Variants in CYP4F2 observed in about 807,000 individuals in gnomAD.
The protein encoded by CYP4F2 is cytochrome P450 4F2.
Under a neutral mutation model 58.9 loss-of-function variants are expected in CYP4F2, and 58 were observed. The observed-to-expected ratio is 0.98, with a 90% confidence interval of 0.80 to 1.23. CYP4F2 has a LOEUF of 1.23. Ranked by LOEUF, CYP4F2 falls within the 50% of genes most tolerant of loss-of-function variation. The pLI is 0.00. For missense variants in CYP4F2, 616 were observed against 685.6 expected (o/e 0.90, Z 1.13); for synonymous variants, 287 against 261.1 (o/e 1.10, Z -0.95).
Position 15,890,427 on chromosome 19 carries a change from A to T in CYP4F2, c.532T>A (p.Trp178Arg). ...CTACCCTCTGAGGCCAGGAGCTGCC[A>T]CTTGGCCTAGCCAGAGAAGGGGACA... ...NESVNIMHAKWQLLASEGSAC... is the reference protein window; with the variant it reads ...NESVNIMHAKRQLLASEGSAC... The change falls in exon 6 of 13, where the codon TGG (tryptophan) becomes AGG (arginine). Residue 178 changes from tryptophan (W) to arginine (R), a missense_variant. Physicochemically the swap from Trp to Arg is moderately radical, Grantham distance 101. Transcript: ENST00000221700. 6 of 1,614,034 alleles carry T rather than the reference A, an allele frequency of 3.7e-6. No individual in the cohort carries two copies. Among genetic ancestry groups the T allele is most frequent in the Non-Finnish European group, 4.2e-6 (5 of 1,179,946 alleles).
At chr19:15,891,059 G>T (rs779849857) in intron 5 of CYP4F2, among the ~76,000 whole-genome samples, 1 of 152,108 alleles carries the variant, frequency 6.6e-6, no homozygotes, top group Non-Finnish European at 1.5e-5. Context: ...GTAGTCCTTC[G>T]TTGAGTCCTG....
intron 5 of CYP4F2, among the ~76,000 whole-genome samples, chr19:15,891,405 T>A (rs1019800991): frequency 3.3e-5 from 5 of 152,114 alleles, no homozygotes; most frequent in Non-Finnish European, 5.9e-5. Context: ...CCCAGGAGTC[T>A]CTCGTCCTTC....
At chr19:15,889,802 AG>A in intron 6 of CYP4F2, 109 bp from the exon 7 acceptor site, 1 of 1,477,842 alleles carries the variant, frequency 6.8e-7, no homozygotes, top group Non-Finnish European at 9.2e-7. Flanking sequence ...CAGAGTATCC[AG>A]GAACAGATGA....
At chr19:15,897,866 C>T (rs1460393845) in intron 1 of CYP4F2, 160 bp downstream of exon 1, 2 of 438,472 alleles carry the variant, frequency 4.6e-6, no homozygotes, top group Non-Finnish European at 8.1e-6. Context: ...CCAGAAAGGC[C>T]CAGCCTGAAT....
chr19:15,893,771 G>C (rs193213058), intron 3 of CYP4F2: 1 of 240,974 alleles, frequency 4.1e-6, no homozygotes, highest in Admixed American at 4.1e-5. Context: ...TGCACGTGGG[G>C]AGAAAGATGT....
intron 2 of CYP4F2, among the ~76,000 whole-genome samples, chr19:15,896,241 T>TCTATCTATCTAC (rs2089447693): frequency 9.8e-6 from 1 of 102,036 alleles, no homozygotes; most frequent in African/African-American, 3.4e-5. Context: ...TAGCTATCTA[T>TCTATCTATCTAC]CTATCTATCT....
At chr19:15,892,679 C>T (rs1568473423) in intron 3 of CYP4F2, 97 bp from the exon 4 acceptor site, 1 of 1,530,858 alleles carries the variant, frequency 6.5e-7, no homozygotes, top group Non-Finnish European at 8.8e-7. Context: ...GCACTTCTCC[C>T]ACTCTGAGCC....
At chr19:15,879,502 G>T in intron 11 of CYP4F2, 74 bp from the exon 12 acceptor site, 1 of 1,608,186 alleles carries the variant, frequency 6.2e-7, no homozygotes, top group African/African-American at 1.3e-5. Context: ...AGACAGTTGT[G>T]TGTGTCTTTG....
chr19:15,891,000 G>A lies in CYP4F2; in HGVS notation c.526-567C>T, dbSNP rs3093146. On this transcript the variant is annotated intron_variant, in intron 5 of 12. Coordinates refer to ENST00000221700, the MANE Select transcript of CYP4F2 (RefSeq NM_001082.5). ...TGATCAATAAATGTTGGATTTCCCCGTCTGCATTGTTATAAATTGATTTCA... is the reference window on the plus strand; with the variant it reads ...TGATCAATAAATGTTGGATTTCCCCATCTGCATTGTTATAAATTGATTTCA... 9.4e-3 allele frequency among the ~76,000 whole-genome samples: 1,426 copies of A among 152,250 alleles called. 24 individuals are homozygous for A. The highest frequency in any genetic ancestry group is 0.031 in the African/African-American group (1,300 of 41,538).
chr19:15,890,309 T>C lies in CYP4F2; in HGVS notation c.647+3A>G, dbSNP rs778301935. 6.2e-7 allele frequency: 1 copy of C among 1,613,958 alleles called. No homozygotes were observed. Among genetic ancestry groups the C allele is most frequent in the Admixed American group, 1.7e-5 (1 of 60,022 alleles). ...AGATCCCAGATCCTGGGCAAGAACTTACTCCTGACAATGGCTGTCAAAGCT... is the reference window on the plus strand; with the variant it reads ...AGATCCCAGATCCTGGGCAAGAACTCACTCCTGACAATGGCTGTCAAAGCT... On this transcript the variant is annotated splice_donor_region_variant and intron_variant, in intron 6 of 12. Coordinates refer to ENST00000221700, the MANE Select transcript of CYP4F2 (RefSeq NM_001082.5).
At chr19:15,893,826 C>A in intron 3 of CYP4F2, 1 of 255,300 alleles carries the variant, frequency 3.9e-6, no homozygotes, top group Non-Finnish European at 8.4e-6. Flanking sequence ...GCCCATATCC[C>A]CAAAGGTGCA....
At position 15,889,677 on chromosome 19, in the gene CYP4F2, T is replaced by A. The variant is rs149081072; in HGVS notation, c.664A>T (p.Ile222Phe). ...GCACTGAGCTCCAAGATGGCGGCAATATATTCACTGGGTTTCCTGCAGGAT... is the reference window on the plus strand; with the variant it reads ...GCACTGAGCTCCAAGATGGCGGCAAAATATTCACTGGGTTTCCTGCAGGAT... The part of the protein sequence containing the change: ...SHCQEKPSEY[I>F]AAILELSALV... Residue 222 changes from isoleucine (I) to phenylalanine (F), a missense_variant, in exon 7 of 13, where the codon ATT (isoleucine) becomes TTT (phenylalanine). Coordinates refer to ENST00000221700, the MANE Select transcript of CYP4F2 (RefSeq NM_001082.5). 1.7e-5 allele frequency: 28 copies of A among 1,613,754 alleles called. No individual in the cohort carries two copies. The African/African-American group carries it at 3.6e-4, about 21-fold the overall frequency.
At chr19:15,887,306 T>G (rs1301668229) in intron 7 of CYP4F2, among the ~76,000 whole-genome samples, 2 of 139,644 alleles carry the variant, frequency 1.4e-5, no homozygotes, top group Non-Finnish European at 3.2e-5. Context: ...AGTCACAGAC[T>G]TAGAAACACA....
rs757642625 is a variant in CYP4F2, at chr19:15,886,041, G to A, written c.998C>T (p.Thr333Met). The A allele has an allele frequency of 8.7e-5, 140 of 1,613,692 alleles. No individual in the cohort carries two copies. Among genetic ancestry groups the A allele is most frequent in the Non-Finnish European group, 1.1e-4 (131 of 1,179,858 alleles). The change falls in exon 9 of 13, where the codon ACG (threonine) becomes ATG (methionine). Residue 333 changes from threonine to methionine, a missense_variant. Physicochemically the swap from Thr to Met is moderately conservative, Grantham distance 81 (BLOSUM62 -1). Transcript: ENST00000221700. ...CAGGACCCAGGAGAGACCACTGGCC[G>A]TGGTGTCATGGCCTGGGGGGCAGCA... is the stretch of plus-strand genomic sequence containing the variant. ...DTFMFEGHDTTASGLSWVLYH... is the reference protein window; with the variant it reads ...DTFMFEGHDTMASGLSWVLYH...
chr19:15,886,311 G>A lies in CYP4F2; in HGVS notation c.919-3C>T. ...GATAACTTCTTCCCGTCTTCATCCTGGAGAGAAGGCAGTAACCCCCCCCAA... is the reference window on the plus strand; with the variant it reads ...GATAACTTCTTCCCGTCTTCATCCTAGAGAGAAGGCAGTAACCCCCCCCAA... On this transcript the variant is annotated splice_polypyrimidine_tract_variant and splice_region_variant and intron_variant, in intron 7 of 12. Transcript: ENST00000221700. 3.7e-6 allele frequency: 6 copies of A among 1,612,550 alleles called. No individual in the cohort carries two copies. Among genetic ancestry groups the A allele is most frequent in the Non-Finnish European group, 5.1e-6 (6 of 1,179,818 alleles).
chr19:15,878,963 C>T (rs766467550), intron 12 of CYP4F2, 27 bp from the exon 13 acceptor site: 1 of 1,608,910 alleles, frequency 6.2e-7, no homozygotes, highest in South Asian at 1.1e-5. Context: ...GGAACTCTGA[C>T]TGCACCCAGG....
intron 11 of CYP4F2, 74 bp from the exon 12 acceptor site, chr19:15,879,502 G>C: frequency 6.2e-7 from 1 of 1,608,186 alleles, no homozygotes; most frequent in South Asian, 1.1e-5. Context: ...AGACAGTTGT[G>C]TGTGTCTTTG....
chr19:15,893,614 G>C (rs556639511), intron 3 of CYP4F2: 1 of 155,742 alleles, frequency 6.4e-6, no homozygotes, highest in South Asian at 2.0e-4. Flanking sequence ...TGGAAGTCCA[G>C]GGGCGATGGA....
intron 9 of CYP4F2, among the ~76,000 whole-genome samples, chr19:15,884,574 T>C (rs1476745707): frequency 6.6e-6 from 1 of 152,252 alleles, no homozygotes; most frequent in Non-Finnish European, 1.5e-5. Flanking sequence ...TATGAATGTA[T>C]TAGATTATCA....
Sources: gnomAD v4.1 joint callset for allele counts (sites outside exome capture counted in the v4.1 genomes callset) on GRCh38, gnomAD v4.1.1 for gene constraint, MANE v1.5 for transcripts, NCBI Gene and HGNC (gene_info 2026-07-23, HGNC 2026-07-21) for gene names.